Variants in DPH6 observed in about 807,000 individuals in gnomAD.
DPH6 encodes diphthine--ammonia ligase.
Under a neutral mutation model 38.2 loss-of-function variants are expected in DPH6, and 33 were observed. The observed-to-expected ratio is 0.86, with a 90% CI of 0.65 to 1.15. DPH6 has a LOEUF of 1.15. Ranked by LOEUF, DPH6 falls within the 50% of genes most tolerant of loss-of-function variation. The probability of loss-of-function intolerance (pLI) is 0.00; values close to 1 mark genes in which losing one functional copy is unlikely to be tolerated. For missense variants in DPH6, 325 were observed against 320.0 expected, an observed-to-expected ratio of 1.02 and a Z score of -0.12; for synonymous variants, 108 against 103.0, an observed-to-expected ratio of 1.05 and a Z score of -0.30.
chr15:35,325,436 T>C (rs2052274626), intron 3 of DPH6, among the ~76,000 whole-genome samples: 1 of 152,158 alleles, frequency 6.6e-6, no homozygotes, highest in South Asian at 2.1e-4. Flanking sequence ...GTATGAATAC[T>C]TAATTTATGA....
intron 3 of DPH6, among the ~76,000 whole-genome samples, chr15:35,484,043 A>C (rs2054363592): frequency 6.6e-6 from 1 of 152,198 alleles, no homozygotes; most frequent in African/African-American, 2.4e-5. Context: ...AGCAAGAGTG[A>C]CTGCAAATTG....
At chr15:35,238,124 T>C (rs1414269590) in intron 3 of DPH6, 20 of 1,118,156 alleles carry the variant, frequency 1.8e-5, no homozygotes, top group Non-Finnish European at 2.6e-5. Flanking sequence ...CCATATCCCC[T>C]CCCCCGCTCC....
intron 3 of DPH6, among the ~76,000 whole-genome samples, chr15:35,522,586 C>A (rs1284428628): frequency 2.6e-5 from 4 of 152,018 alleles, no homozygotes. Flanking sequence ...TCCTCATGAA[C>A]CTTCAAAAAG....
At chr15:35,350,138 T>C (rs1466291149) in intron 3 of DPH6, among the ~76,000 whole-genome samples, 2 of 152,182 alleles carry the variant, frequency 1.3e-5, no homozygotes, top group Admixed American at 6.5e-5. Flanking sequence ...GTTATTGGTC[T>C]ACAAAGAATT....
At chr15:35,413,566 AATCTATATGTCTTCT>A (rs2053397164) in intron 5 of DPH6, among the ~76,000 whole-genome samples, 1 of 151,666 alleles carries the variant, frequency 6.6e-6, no homozygotes, top group Non-Finnish European at 1.5e-5. Context: ...TTTATCTTGT[AATCTATATGTCTTCT>A]ATGAACACTG....
chr15:35,319,239 A>T (rs997988288), intron 3 of DPH6, among the ~76,000 whole-genome samples: 5 of 152,164 alleles, frequency 3.3e-5, no homozygotes, highest in Admixed American at 2.0e-4. Flanking sequence ...AAAGAAAATT[A>T]AAAAACCCCA....
At chr15:35,271,346 G>A (rs1439704824) in intron 3 of DPH6, among the ~76,000 whole-genome samples, 1 of 152,086 alleles carries the variant, frequency 6.6e-6, no homozygotes, top group Non-Finnish European at 1.5e-5. Context: ...TTCATAACTT[G>A]AAGAAAAGGG....
intron 3 of DPH6, among the ~76,000 whole-genome samples, chr15:35,517,955 T>C (rs1185548421): frequency 1.3e-5 from 2 of 152,070 alleles, no homozygotes; most frequent in East Asian, 1.9e-4. Flanking sequence ...AAAAATTAAA[T>C]TGATGAATTA....
intron 6 of DPH6, chr15:35,401,546 G>A (rs1319943742): frequency 1.0e-5 from 8 of 771,628 alleles, no homozygotes; most frequent in Non-Finnish European, 1.4e-5. Context: ...GGTGGCTTTG[G>A]TGGTGGTAGT....
chr15:35,187,869 G>GA, the DPH6 span, among the ~76,000 whole-genome samples: 1 of 152,310 alleles, frequency 6.6e-6, no homozygotes, highest in Admixed American at 6.5e-5. Flanking sequence ...CAGGCCAGGT[G>GA]AGGTGGCTCA....
At chr15:35,208,387 A>G in the DPH6 span, among the ~76,000 whole-genome samples, 3 of 152,326 alleles carry the variant, frequency 2.0e-5, no homozygotes, top group East Asian at 5.8e-4. Context: ...TATGCAAGCA[A>G]GCCTCAGACA....
intron 6 of DPH6, among the ~76,000 whole-genome samples, chr15:35,391,861 T>G (rs1363846923): frequency 1.3e-5 from 2 of 152,200 alleles, no homozygotes; most frequent in African/African-American, 4.8e-5. Flanking sequence ...GCACCCGCTG[T>G]CCGGCACTCC....
intron 5 of DPH6, among the ~76,000 whole-genome samples, chr15:35,421,218 A>C (rs2053500819): frequency 6.6e-6 from 1 of 152,174 alleles, no homozygotes; most frequent in Admixed American, 6.5e-5. Flanking sequence ...AAATTTAAAG[A>C]GCTAATAGCA....
intron 3 of DPH6, among the ~76,000 whole-genome samples, chr15:35,503,201 T>C (rs2054650263): frequency 1.3e-5 from 2 of 151,948 alleles, no homozygotes; most frequent in African/African-American, 2.4e-5. Flanking sequence ...TAATAAAATA[T>C]ACTGTTACAT....
intron 7 of DPH6, among the ~76,000 whole-genome samples, chr15:35,379,010 T>A (rs765030997): frequency 2.0e-5 from 3 of 152,184 alleles, no homozygotes; most frequent in Non-Finnish European, 4.4e-5. Context: ...CCCGAGGTAT[T>A]GGTACAACTG....
At chr15:35,231,952 T>C (rs1024599283) in intron 3 of DPH6, among the ~76,000 whole-genome samples, 1 of 152,200 alleles carries the variant, frequency 6.6e-6, no homozygotes, top group African/African-American at 2.4e-5. Context: ...TCTGCCCCCA[T>C]GACTCAAATA....
Position 35,238,038 on chromosome 15 carries a change from A to G in DPH6, n.201-17456T>C, listed in dbSNP as rs2051568446. 6 of 1,560,216 alleles carry G rather than the reference A, an allele frequency of 3.8e-6. No individual in the cohort carries two copies. In the Admixed American group the frequency reaches 8.4e-5, roughly 22 times the overall value. On this transcript the variant is annotated intron_variant and non_coding_transcript_variant, in intron 3 of 3. Coordinates refer to the DPH6 transcript ENST00000560386. ...GGTCAGAAGCGAAAAGGAGAACCTG[A>G]AGATGAGGGAGAAGATGATGACTAA...
chr15:35,208,603 C>T, the DPH6 span, among the ~76,000 whole-genome samples: 1 of 152,242 alleles, frequency 6.6e-6, no homozygotes, highest in African/African-American at 2.4e-5. Flanking sequence ...GACACTAGCA[C>T]TTCCACAAAT....
chr15:35,320,612 C>T (rs949460782), intron 3 of DPH6, among the ~76,000 whole-genome samples: 2 of 152,148 alleles, frequency 1.3e-5, no homozygotes, highest in African/African-American at 4.8e-5. Flanking sequence ...CCTTCTAGTT[C>T]CCTGCAGTTG....
Sources: gnomAD v4.1 joint callset for allele counts (sites outside exome capture counted in the v4.1 genomes callset) on GRCh38, gnomAD v4.1.1 for gene constraint, MANE v1.5 for transcripts, NCBI Gene and HGNC (gene_info 2026-07-23, HGNC 2026-07-21) for gene names.